Variants in PCDHA1 observed in about 807,000 individuals in gnomAD.
PCDHA1 encodes the protein protocadherin alpha 1.
Under a neutral mutation model 61.3 loss-of-function variants are expected in PCDHA1, and 42 were observed. That is an observed-to-expected ratio of 0.69 (90% confidence interval 0.54 to 0.89). PCDHA1 has a LOEUF of 0.89. Among genes scored for constraint, PCDHA1 ranks in the 40% least tolerant of loss-of-function variants. The probability of loss-of-function intolerance (pLI) is 0.00; values close to 1 mark genes in which losing one functional copy is unlikely to be tolerated. For missense variants in PCDHA1, 1,256 were observed against 1,235.3 expected (o/e 1.02, Z -0.25); for synonymous variants, 610 against 553.8 (o/e 1.10, Z -1.43).
chr5:140,952,712 C>A (rs567610262), intron 1 of PCDHA1, among the ~76,000 whole-genome samples: 3 of 152,298 alleles, frequency 2.0e-5, no homozygotes, highest in Middle Eastern at 3.4e-3. Context: ...CTCTCAGTAT[C>A]AATTTTCTGT....
intron 1 of PCDHA1, among the ~76,000 whole-genome samples, chr5:140,820,018 G>T (rs1766670311): frequency 6.6e-6 from 1 of 151,780 alleles, no homozygotes; most frequent in Non-Finnish European, 1.5e-5. Flanking sequence ...TTATTCCATA[G>T]CTTTGTAGTT....
rs185799175 is a variant in PCDHA1, at chr5:140,887,220, C to G, written c.2395-91729C>G. ...CACGCCATTCTCCTGCCTCAGCCTC[C>G]CGAGTAGCTGAGACTACCGGCGCCC... On this transcript the variant is annotated intron_variant, in intron 1 of 3. Coordinates refer to ENST00000504120, the MANE Select transcript of PCDHA1 (RefSeq NM_018900.4). Among the ~76,000 whole-genome samples, 14 of 152,078 alleles carry G rather than the reference C, an allele frequency of 9.2e-5. No individual in the cohort carries two copies. In the East Asian group the frequency reaches 2.7e-3, roughly 30 times the overall value.
chr5:140,787,718 G>A lies in PCDHA1; in HGVS notation c.1428G>A (p.Thr476=), dbSNP rs377692615. ...ENNPPGCHIF[T]VSARDADAQE... The stretch of plus-strand genomic sequence containing the variant: ...ACCCGCCGGGCTGCCACATCTTCAC[G>A]GTGTCTGCGCGGGACGCGGACGCGC... The change falls in exon 1 of 4, where the codon ACG becomes ACA. Residue 476 remains threonine (T), a synonymous_variant. Transcript: ENST00000504120. 2.5e-6 allele frequency: 4 copies of A among 1,613,824 alleles called. No homozygotes were observed. The Admixed American group carries it at 5.0e-5, about 20-fold the overall frequency.
chr5:140,842,896 C>G, intron 1 of PCDHA1: 1 of 1,594,370 alleles, frequency 6.3e-7, no homozygotes, highest in Non-Finnish European at 8.6e-7. Context: ...CGCTGGACCA[C>G]GAGGAGCTAG....
chr5:140,929,499 C>A, intron 1 of PCDHA1: 2 of 980,262 alleles, frequency 2.0e-6, no homozygotes, highest in Non-Finnish European at 2.8e-6. Context: ...GAAGATTGCC[C>A]TAGGCCTCAA....
At chr5:140,845,700 G>T (rs994276971) in intron 1 of PCDHA1, among the ~76,000 whole-genome samples, 1 of 149,282 alleles carries the variant, frequency 6.7e-6, no homozygotes, top group African/African-American at 2.5e-5. Context: ...CAGTTCCTTG[G>T]CATTATATGT....
intron 1 of PCDHA1, among the ~76,000 whole-genome samples, chr5:140,878,983 AGAAAT>A (rs2153364854): frequency 6.6e-6 from 1 of 152,352 alleles, no homozygotes; most frequent in Non-Finnish European, 1.5e-5. Flanking sequence ...CCTCTATCTT[AGAAAT>A]GAGAGTATGC....
chr5:140,874,334 C>A (rs2153310267), intron 1 of PCDHA1, among the ~76,000 whole-genome samples: 1 of 152,166 alleles, frequency 6.6e-6, no homozygotes, highest in South Asian at 2.1e-4. Context: ...CTGTTTTTTT[C>A]TCTTAAAGCT....
intron 3 of PCDHA1, 128 bp downstream of exon 3, chr5:140,982,691 C>T: frequency 7.1e-7 from 1 of 1,408,152 alleles, no homozygotes; most frequent in Non-Finnish European, 9.3e-7. Context: ...TTTTTCCATA[C>T]ATACATGATT....
chr5:140,894,113 G>C (rs1239376474), intron 1 of PCDHA1, among the ~76,000 whole-genome samples: 1 of 152,072 alleles, frequency 6.6e-6, no homozygotes, highest in Non-Finnish European at 1.5e-5. Context: ...TTGCAGATGA[G>C]AAGTTTCAAA....
chr5:140,905,963 G>A (rs182775194), intron 1 of PCDHA1, among the ~76,000 whole-genome samples: 9 of 152,308 alleles, frequency 5.9e-5, no homozygotes, highest in Admixed American at 5.9e-4. Flanking sequence ...TCAAGGGGAG[G>A]AAGATCCAGC....
intron 1 of PCDHA1, among the ~76,000 whole-genome samples, chr5:140,953,819 G>A (rs782420849): frequency 1.3e-5 from 2 of 151,904 alleles, no homozygotes; most frequent in Non-Finnish European, 1.5e-5. Context: ...GCATGTGCTA[G>A]TTGTGCAGGT....
chr5:140,843,633 C>T (rs1554140304), intron 1 of PCDHA1: 1 of 1,595,708 alleles, frequency 6.3e-7, no homozygotes, highest in Admixed American at 1.7e-5. Context: ...GACCTCATGG[C>T]CTTCAGCCCC....
chr5:140,951,046 TA>T (rs1414168325), intron 1 of PCDHA1, among the ~76,000 whole-genome samples: 1 of 152,138 alleles, frequency 6.6e-6, no homozygotes, highest in Non-Finnish European at 1.5e-5. Context: ...ATTATATTTT[TA>T]TTGCTAAAAT....
At chr5:140,834,917 C>A in intron 1 of PCDHA1, 2 of 1,590,474 alleles carry the variant, frequency 1.3e-6, no homozygotes, top group Non-Finnish European at 1.7e-6. Flanking sequence ...ATGAGTATTT[C>A]TTCCTGGACG....
Position 140,856,323 on chromosome 5 carries a change from A to T in PCDHA1, c.2394+67639A>T, listed in dbSNP as rs781846770. ...TTTGTGAATTCTCGGATTGACCGCG[A>T]GGAGCTGTGCGGGCGGAGCGTGGAG... On this transcript the variant is annotated intron_variant, in intron 1 of 3. Transcript: ENST00000504120. The T allele has an allele frequency of 3.1e-6, 5 of 1,598,532 alleles. No individual in the cohort carries two copies. The East Asian group carries it at 1.1e-4, about 36-fold the overall frequency.
chr5:140,877,582 A>G, intron 1 of PCDHA1: 1 of 1,613,772 alleles, frequency 6.2e-7, no homozygotes, highest in East Asian at 2.2e-5. Context: ...CATCATCGCC[A>G]TCTGTGCGGT....
At chr5:140,950,168 T>C (rs2094454639) in intron 1 of PCDHA1, among the ~76,000 whole-genome samples, 1 of 151,996 alleles carries the variant, frequency 6.6e-6, no homozygotes, top group Non-Finnish European at 1.5e-5. Context: ...TTATGTACTT[T>C]AGAGAATTAA....
intron 3 of PCDHA1, among the ~76,000 whole-genome samples, chr5:141,009,142 G>T (rs1374390797): frequency 2.0e-5 from 3 of 152,204 alleles, no homozygotes; most frequent in Non-Finnish European, 4.4e-5. Context: ...GAAAAAACCT[G>T]CCCTCTTGCT....
Sources: gnomAD v4.1 joint callset for allele counts (sites outside exome capture counted in the v4.1 genomes callset) on GRCh38, gnomAD v4.1.1 for gene constraint, MANE v1.5 for transcripts, NCBI Gene and HGNC (gene_info 2026-07-23, HGNC 2026-07-21) for gene names.